Variants in VIPR1 observed in about 807,000 individuals in gnomAD.
The protein encoded by VIPR1 is vasoactive intestinal polypeptide receptor 1.
A neutral mutation model predicts 58.8 loss-of-function variants in VIPR1; 59 were observed. That is an observed-to-expected ratio of 1.00 (90% confidence interval 0.81 to 1.25). VIPR1 has a LOEUF of 1.25. Ranked by LOEUF, VIPR1 falls within the 50% of genes most tolerant of loss-of-function variation. VIPR1 has a pLI of 0.00. For missense variants in VIPR1, 626 were observed against 602.7 expected (o/e 1.04, Z -0.40); for synonymous variants, 251 against 242.1 (o/e 1.04, Z -0.34).
intron 2 of VIPR1, among the ~76,000 whole-genome samples, chr3:42,517,955 G>A (rs1002960690): frequency 2.6e-5 from 4 of 152,154 alleles, no homozygotes; most frequent in Admixed American, 1.3e-4. Flanking sequence ...CAGCCTGGGC[G>A]ACAGAGCAAG....
chr3:42,504,500 C>T (rs1700016462), intron 1 of VIPR1, among the ~76,000 whole-genome samples: 1 of 152,138 alleles, frequency 6.6e-6, no homozygotes, highest in African/African-American at 2.4e-5. Context: ...TTCAGCCCTA[C>T]CCACCTCCCA....
At chr3:42,516,300 C>A (rs1302312501) in intron 2 of VIPR1, among the ~76,000 whole-genome samples, 1 of 152,154 alleles carries the variant, frequency 6.6e-6, no homozygotes, top group African/African-American at 2.4e-5. Context: ...AGGAAATACT[C>A]CCGTTGCCTA....
chr3:42,494,461 AT>A (rs151127115), intron 1 of VIPR1, among the ~76,000 whole-genome samples: 2 of 152,196 alleles, frequency 1.3e-5, no homozygotes, highest in East Asian at 1.9e-4. Context: ...TGAGCTTGGT[AT>A]TTTTTAGGGG....
chr3:42,505,718 G>A (rs1700091843), intron 1 of VIPR1, among the ~76,000 whole-genome samples: 1 of 152,236 alleles, frequency 6.6e-6, no homozygotes, highest in South Asian at 2.1e-4. Context: ...GGGAGCCCAG[G>A]CTGGAAACAG....
At chr3:42,505,928 C>T (rs867791553) in intron 1 of VIPR1, among the ~76,000 whole-genome samples, 3 of 152,190 alleles carry the variant, frequency 2.0e-5, no homozygotes, top group Non-Finnish European at 4.4e-5. Context: ...CCTGGAGCAC[C>T]AGGGTCTCTG....
At chr3:42,516,151 C>T (rs898999082) in intron 2 of VIPR1, among the ~76,000 whole-genome samples, 2 of 152,310 alleles carry the variant, frequency 1.3e-5, no homozygotes, top group Non-Finnish European at 2.9e-5. Context: ...CCATCCCTTA[C>T]CCCAAGCTCT....
At chr3:42,526,632 C>A (rs1701246281) in intron 4 of VIPR1, among the ~76,000 whole-genome samples, 1 of 152,158 alleles carries the variant, frequency 6.6e-6, no homozygotes, top group Non-Finnish European at 1.5e-5. Flanking sequence ...ACTCCACCCA[C>A]CCCCGAGGAC....
upstream of VIPR1, among the ~76,000 whole-genome samples, chr3:42,499,346 G>A (rs1364330641): frequency 2.6e-5 from 4 of 152,220 alleles, no homozygotes; most frequent in Non-Finnish European, 5.9e-5. Context: ...GGCACACAGC[G>A]CATGGATGAG....
chr3:42,518,697 A>T (rs1700755751), intron 2 of VIPR1, among the ~76,000 whole-genome samples: 1 of 152,220 alleles, frequency 6.6e-6, no homozygotes, highest in African/African-American at 2.4e-5. Flanking sequence ...GCACCACTGC[A>T]CTCTAGCCTG....
At chr3:42,529,633 C>G (rs1701426621) in intron 6 of VIPR1, 1 of 152,096 alleles carries the variant, frequency 6.6e-6, no homozygotes, top group African/African-American at 2.4e-5. Flanking sequence ...TGTCGCAAAC[C>G]AAGGGTACAG....
At position 42,536,254 on chromosome 3, in the gene VIPR1, C is replaced by G; in HGVS notation, c.1347C>G (p.Ser449Arg). ...RVSPGARRSS[S>R]FQAEVSLV ...GCCCAGGTGCCCGCCGCTCCTCCAG[C>G]TTCCAAGCCGAAGTCTCCCTGGTCT... The change falls in exon 13 of 13, where the codon AGC becomes AGG. Residue 449 changes from serine to arginine, a missense_variant. Ser to Arg is a moderately radical substitution (Grantham distance 110, BLOSUM62 -1). Coordinates refer to ENST00000325123, the MANE Select transcript of VIPR1 (RefSeq NM_004624.4). 1 of 1,581,254 alleles carries G rather than the reference C, an allele frequency of 6.3e-7. No individual in the cohort carries two copies. Among genetic ancestry groups the G allele is most frequent in the South Asian group, 1.1e-5 (1 of 87,400 alleles).
chr3:42,520,746 C>T (rs1000957145), intron 3 of VIPR1, among the ~76,000 whole-genome samples: 1 of 152,092 alleles, frequency 6.6e-6, no homozygotes, highest in Non-Finnish European at 1.5e-5. Context: ...CTCCCTGGAC[C>T]CCAGTTTCCC....
intron 1 of VIPR1, among the ~76,000 whole-genome samples, chr3:42,494,762 T>C (rs1161477302): frequency 6.6e-6 from 1 of 152,214 alleles, no homozygotes; most frequent in Non-Finnish European, 1.5e-5. Context: ...TCTTTGGATT[T>C]AATTTATTAT....
In VIPR1 at chr3:42,502,792, C is replaced by T. The variant is rs1034953478; in HGVS notation, c.57C>T (p.Leu19=). Residue 19 remains leucine (L), a synonymous_variant, in exon 1 of 13, where the codon CTC becomes CTT. Coordinates refer to ENST00000325123, the MANE Select transcript of VIPR1 (RefSeq NM_004624.4). ...ARWLCVLAGA[L]AWALGPAGGQ... The stretch of plus-strand genomic sequence containing the variant: ...GGCTATGCGTGCTGGCAGGCGCCCT[C>T]GCCTGGGCCCTTGGGCCGGCGGTGA... 15 of 1,274,306 alleles carry T rather than the reference C, an allele frequency of 1.2e-5. No individual in the cohort carries two copies. Among genetic ancestry groups the T allele is most frequent in the Middle Eastern group, 6.0e-4 (2 of 3,344 alleles). 78.9% of individuals were successfully genotyped at this position (1,274,306 alleles called of 1,614,324 possible).
In VIPR1 at chr3:42,493,590, C is replaced by T. The variant is rs1398977924; in HGVS notation, c.-245+3912C>T. Among the ~76,000 whole-genome samples the T allele has an allele frequency of 4.6e-5, 7 of 152,136 alleles. 1 individual carries two copies. Among genetic ancestry groups the T allele is most frequent in the Non-Finnish European group, 7.4e-5 (5 of 68,024 alleles). On this transcript the variant is annotated intron_variant, in intron 1 of 13. Transcript: ENST00000433647. ...TAACTCAGATCTCTTGCTCTCTCTG[C>T]CTGGTCTTCAAGCCACAAGCTTGGC...
chr3:42,531,133 C>T (rs1701521668), intron 7 of VIPR1: 6 of 690,670 alleles, frequency 8.7e-6, no homozygotes, highest in Non-Finnish European at 1.4e-5. Flanking sequence ...GCAGCTGCAC[C>T]TAGGGCTGAC....
intron 2 of VIPR1, among the ~76,000 whole-genome samples, chr3:42,517,069 A>G (rs2125650769): frequency 6.6e-6 from 1 of 152,294 alleles, no homozygotes; most frequent in East Asian, 1.9e-4. Context: ...AGGTTGGGGG[A>G]AAAGTGGTCA....
chr3:42,517,788 C>G (rs766344348), intron 2 of VIPR1, among the ~76,000 whole-genome samples: 2 of 152,140 alleles, frequency 1.3e-5, no homozygotes, highest in Non-Finnish European at 2.9e-5. Context: ...CCAGCCTGGC[C>G]AACATGGCGA....
At chr3:42,490,115 G>A (rs951937027) in intron 1 of VIPR1, among the ~76,000 whole-genome samples, 1 of 151,992 alleles carries the variant, frequency 6.6e-6, no homozygotes, top group Non-Finnish European at 1.5e-5. Flanking sequence ...GAGCTCCCAG[G>A]GCAGGAGTTC....
Sources: allele counts gnomAD v4.1 joint callset (sites outside exome capture counted in the v4.1 genomes callset), GRCh38; gene constraint gnomAD v4.1.1; transcripts MANE v1.5; gene names NCBI Gene and HGNC (gene_info 2026-07-23, HGNC 2026-07-21).